Variants in BUB1B observed in about 807,000 individuals in gnomAD.
BUB1B encodes the protein BUB1 mitotic checkpoint serine/threonine kinase B.
BUB1B carries 86 observed loss-of-function variants against 137.7 expected under a neutral mutation model. That is an observed-to-expected ratio of 0.62 (90% CI 0.52 to 0.75). The LOEUF (loss-of-function observed/expected upper bound fraction) is 0.75, where lower values mean the gene tolerates loss of function less well. Ranked by LOEUF, BUB1B falls within the 30% of genes least tolerant of loss-of-function variation. BUB1B has a pLI of 0.00. For synonymous variants in BUB1B, 420 were observed against 417.9 expected (o/e 1.00, Z -0.06); for missense variants, 1,130 against 1,236.9 (o/e 0.91, Z 1.30).
Position 40,220,678 on chromosome 15 carries a change from C to T in BUB1B, c.3072C>T (p.Asp1024=). The change falls in exon 23 of 23, where the codon GAC becomes GAT. Residue 1024 remains aspartate, a synonymous_variant. Coordinates refer to ENST00000287598, the MANE Select transcript of BUB1B (RefSeq NM_001211.6). ...ELAAEMNGVF[D]TTFQSHLNKA... is the part of the protein sequence containing the mutation. ...CAGCAGAAATGAATGGGGTTTTTGA[C>T]ACTACATTCCAAAGTCACCTGAACA... The T allele has an allele frequency of 1.2e-6, 2 of 1,614,178 alleles. No individual in the cohort carries two copies. The highest frequency in any genetic ancestry group is 1.1e-5 in the South Asian group (1 of 91,088).
intron 2 of BUB1B, among the ~76,000 whole-genome samples, chr15:40,166,773 C>A (rs2037103701): frequency 6.6e-6 from 1 of 152,212 alleles, no homozygotes; most frequent in African/African-American, 2.4e-5. Flanking sequence ...CATGAGAGTT[C>A]ATTTGTACCA....
At chr15:40,185,120 A>C in intron 6 of BUB1B, 45 bp from the exon 7 acceptor site, 1 of 1,519,286 alleles carries the variant, frequency 6.6e-7, no homozygotes, top group Non-Finnish European at 9.1e-7. Flanking sequence ...CATCTAAGTT[A>C]ATAATGAAAC....
chr15:40,190,662 G>C (rs2037425098), intron 8 of BUB1B, among the ~76,000 whole-genome samples: 1 of 152,078 alleles, frequency 6.6e-6, no homozygotes, highest in Admixed American at 6.6e-5. Context: ...TTTCACCTTT[G>C]GCATATCCAA....
At chr15:40,201,891 G>A (rs186249591) in intron 12 of BUB1B, among the ~76,000 whole-genome samples, 3 of 151,956 alleles carry the variant, frequency 2.0e-5, no homozygotes, top group Admixed American at 2.0e-4. Flanking sequence ...GGATGGTCTC[G>A]ATCTCCTGAC....
chr15:40,202,269 T>G, intron 12 of BUB1B, 136 bp from the exon 13 acceptor site: 1 of 729,518 alleles, frequency 1.4e-6, no homozygotes, highest in Non-Finnish European at 2.3e-6. Context: ...TTTTATATGT[T>G]TGAAGCTTTT....
intron 8 of BUB1B, among the ~76,000 whole-genome samples, chr15:40,190,431 G>A (rs866007049): frequency 6.6e-6 from 1 of 151,992 alleles, no homozygotes; most frequent in African/African-American, 2.4e-5. Context: ...GAGCAATATA[G>A]TGAGACCCCA....
chr15:40,163,900 T>G (rs983213528), intron 1 of BUB1B, among the ~76,000 whole-genome samples: 4 of 152,240 alleles, frequency 2.6e-5, no homozygotes, highest in Non-Finnish European at 5.9e-5. Context: ...TCATCTAGAC[T>G]GAAGTCACAT....
chr15:40,206,060 T>C (rs2037632436), intron 14 of BUB1B, 124 bp from the exon 15 acceptor site: 3 of 972,444 alleles, frequency 3.1e-6, no homozygotes, highest in Non-Finnish European at 3.1e-6. Flanking sequence ...TTTTTATATT[T>C]GCCTAGATAT....
intron 4 of BUB1B, among the ~76,000 whole-genome samples, chr15:40,172,735 G>A (rs1187774585): frequency 6.6e-6 from 1 of 152,086 alleles, no homozygotes; most frequent in Non-Finnish European, 1.5e-5. Flanking sequence ...TAGAAAATTA[G>A]GTAAATCCTG....
chr15:40,217,337 A>G (rs974711297), intron 20 of BUB1B, 159 bp from the exon 21 acceptor site: 14 of 718,460 alleles, frequency 1.9e-5, no homozygotes, highest in Admixed American at 1.7e-4. Flanking sequence ...GGACACTGCC[A>G]CTGCTCTGTC....
chr15:40,191,326 T>C (rs1249801267), intron 8 of BUB1B, among the ~76,000 whole-genome samples: 1 of 152,248 alleles, frequency 6.6e-6, no homozygotes, highest in African/African-American at 2.4e-5. Flanking sequence ...ATTTGGTTTT[T>C]TATTGTTGAG....
intron 3 of BUB1B, 134 bp downstream of exon 3, chr15:40,170,255 T>C: frequency 1.1e-6 from 1 of 880,828 alleles, no homozygotes; most frequent in Admixed American, 2.2e-5. Context: ...AGATCCAGAA[T>C]AATCATAATA....
At chr15:40,161,545 G>A (rs2037042945) in intron 1 of BUB1B, among the ~76,000 whole-genome samples, 2 of 152,214 alleles carry the variant, frequency 1.3e-5, no homozygotes, top group Non-Finnish European at 2.9e-5. Flanking sequence ...ACTCAGCTCA[G>A]CCACCTGCTA....
chr15:40,171,398 T>C (rs1198261203), intron 4 of BUB1B, among the ~76,000 whole-genome samples: 1 of 151,840 alleles, frequency 6.6e-6, no homozygotes, highest in Middle Eastern at 3.2e-3. Context: ...GTACAGAAAT[T>C]AACCAGGTGT....
At chr15:40,173,838 AGAG>A in intron 4 of BUB1B, 1 of 347,820 alleles carries the variant, frequency 2.9e-6, no homozygotes, top group Non-Finnish European at 5.5e-6. Context: ...GGTCTGGTCA[AGAG>A]GAGTAACAGA....
In BUB1B at chr15:40,170,583, A is replaced by G. The variant is rs998599773; in HGVS notation, c.286A>G (p.Ser96Gly). ...EQNYPQGGKE[S>G]NMSTLLERAV... ...GAACTATCCTCAAGGTGGGAAGGAG[A>G]GTAATATGTCAACGTTATTAGAAAG... Residue 96 changes from serine to glycine, a missense_variant, in exon 4 of 23, where the codon AGT becomes GGT. Coordinates refer to ENST00000287598, the MANE Select transcript of BUB1B (RefSeq NM_001211.6). The G allele has an allele frequency of 6.2e-7, 1 of 1,613,254 alleles. No homozygotes were observed. The highest frequency in any genetic ancestry group is 1.7e-5 in the Admixed American group (1 of 60,028).
intron 9 of BUB1B, 99 bp from the exon 10 acceptor site, chr15:40,199,516 T>G (rs964674579): frequency 1.2e-5 from 10 of 840,592 alleles, no homozygotes; most frequent in Non-Finnish European, 1.8e-5. Context: ...TTCATCTGTA[T>G]TAGTAACATA....
chr15:40,169,958 A>T, intron 2 of BUB1B, 104 bp from the exon 3 acceptor site: 1 of 975,006 alleles, frequency 1.0e-6, no homozygotes, highest in Non-Finnish European at 1.7e-6. Flanking sequence ...GCAATAATTT[A>T]GATCAATATT....
rs2140901839 is a variant in BUB1B at position 40,202,388 on chromosome 15, A to G, written c.1568-17A>G. ...GCATTTACTCCTAGAGTATGTATCT[A>G]GTCTCTCTTTCTCTAGGTCCCAGTG... On this transcript the variant is annotated splice_polypyrimidine_tract_variant and intron_variant, in intron 12 of 22. Transcript: ENST00000287598. 6.0e-3 allele frequency: 7,014 copies of G among 1,177,846 alleles called. No homozygotes were observed. Among genetic ancestry groups the G allele is most frequent in the Non-Finnish European group, 8.1e-3 (6,410 of 790,614 alleles). The allele number at this position is 1,177,846 out of a possible 1,614,324, so 73.0% of individuals were successfully genotyped here.
Sources: gnomAD v4.1 joint callset for allele counts (sites outside exome capture counted in the v4.1 genomes callset) on GRCh38, gnomAD v4.1.1 for gene constraint, MANE v1.5 for transcripts, NCBI Gene and HGNC (gene_info 2026-07-23, HGNC 2026-07-21) for gene names.